The following CNTLN variants were observed in gnomAD, a reference collection of about 807,000 sequenced individuals.
The protein encoded by CNTLN is centlein, also known as centlein, centrosomal protein.
In CNTLN, 212 loss-of-function variants were observed where a neutral mutation model predicts 180.0. That is an observed-to-expected ratio of 1.18 (90% CI 1.05 to 1.32). CNTLN has a LOEUF of 1.32. CNTLN is among the 40% of genes most tolerant of loss of function. CNTLN has a pLI of 0.00. For missense variants in CNTLN, 2,095 were observed against 1,610.9 expected (o/e 1.30, Z -5.14); for synonymous variants, 722 against 563.1 (o/e 1.28, Z -3.99).
chr9:17,312,369 T>TTATATATATATATATATATATATATA (rs1587619948), intron 8 of CNTLN, among the ~76,000 whole-genome samples: 1 of 34,408 alleles, frequency 2.9e-5, no homozygotes, highest in Non-Finnish European at 7.2e-5. Flanking sequence ...ATATATTATA[T>TTATATATATATATATATATATATATA]ATATATATAT....
At chr9:17,260,295 T>A (rs886162307) in intron 5 of CNTLN, among the ~76,000 whole-genome samples, 1 of 150,552 alleles carries the variant, frequency 6.6e-6, no homozygotes, top group Non-Finnish European at 1.5e-5. Context: ...TTTGAGTGAG[T>A]TTCTTAATCC....
intron 23 of CNTLN, among the ~76,000 whole-genome samples, chr9:17,480,165 C>T (rs920555072): frequency 8.6e-5 from 13 of 151,752 alleles, no homozygotes; most frequent in African/African-American, 1.2e-4. Context: ...CATTTCAGCC[C>T]GGGTGACAGA....
At chr9:17,147,548 C>T (rs185703607) in intron 2 of CNTLN, among the ~76,000 whole-genome samples, 226 of 152,134 alleles carry the variant, frequency 1.5e-3, no homozygotes, top group Non-Finnish European at 1.2e-3. Context: ...TTTTCTCCCT[C>T]GGTTTATTTG....
chr9:17,258,442 G>T (rs1011524915), intron 5 of CNTLN, among the ~76,000 whole-genome samples: 1 of 151,328 alleles, frequency 6.6e-6, no homozygotes, highest in African/African-American at 2.5e-5. Flanking sequence ...TTTGGCTTAG[G>T]ATTGACTTGG....
rs908536057 is a variant in CNTLN, at chr9:17,292,265, T to G, written c.984-5925T>G. Among the ~76,000 whole-genome samples, 3 of 152,156 alleles carry G rather than the reference T, an allele frequency of 2.0e-5. 1 individual carries two copies. The South Asian group carries it at 6.2e-4, about 32-fold the overall frequency. ...CCCTTCATTTTGACCTTGGTGAATT[T>G]GATGATTATGTGTGTTAGGGCTGAT... On this transcript the variant is annotated intron_variant, in intron 6 of 25. Coordinates refer to ENST00000380647, the MANE Select transcript of CNTLN (RefSeq NM_017738.4).
chr9:17,310,251 A>C (rs746496364), intron 8 of CNTLN, among the ~76,000 whole-genome samples: 1 of 152,218 alleles, frequency 6.6e-6, no homozygotes, highest in East Asian at 1.9e-4. Context: ...TATCATTTTG[A>C]TTTTTTTAAA....
At chr9:17,514,655 A>G in the CNTLN span, among the ~76,000 whole-genome samples, 1 of 152,212 alleles carries the variant, frequency 6.6e-6, no homozygotes, top group East Asian at 1.9e-4. Flanking sequence ...TACTTGGCCA[A>G]GTAGATTTTA....
chr9:17,409,498 T>C, intron 16 of CNTLN, 25 bp downstream of exon 16: 1 of 1,516,190 alleles, frequency 6.6e-7, no homozygotes, highest in Non-Finnish European at 8.9e-7. Context: ...TTTGCTTAAT[T>C]GTATGCTATG....
At chr9:17,367,156 A>C (rs1396088630) in intron 13 of CNTLN, among the ~76,000 whole-genome samples, 1 of 152,230 alleles carries the variant, frequency 6.6e-6, no homozygotes, top group East Asian at 1.9e-4. Flanking sequence ...GGCAGTGGCC[A>C]TGTGACATGG....
At chr9:17,278,356 T>C (rs1049781325) in intron 6 of CNTLN, among the ~76,000 whole-genome samples, 1 of 152,170 alleles carries the variant, frequency 6.6e-6, no homozygotes, top group Non-Finnish European at 1.5e-5. Flanking sequence ...AACTTGCTTA[T>C]TTTTTCTTTG....
In CNTLN at chr9:17,355,422, G is replaced by C. The variant is rs570398344; in HGVS notation, c.1887-11195G>C. The stretch of plus-strand genomic sequence containing the variant: ...TTTTTGATAGTATCCTTTGATGCAT[G>C]AAAGTTTTTCATTTTAATGAAGTAC... On this transcript the variant is annotated intron_variant, in intron 12 of 25. Transcript: ENST00000380647. Among the ~76,000 whole-genome samples, 4 of 152,282 alleles carry C rather than the reference G, an allele frequency of 2.6e-5. No homozygotes were observed. In the East Asian group the frequency reaches 7.7e-4, roughly 29 times the overall value.
At chr9:17,257,200 C>G (rs1826567551) in intron 5 of CNTLN, among the ~76,000 whole-genome samples, 1 of 151,048 alleles carries the variant, frequency 6.6e-6, no homozygotes, top group Admixed American at 6.6e-5. Context: ...TTGTTCAATT[C>G]CCACCTATGA....
At position 17,334,129 on chromosome 9, in the gene CNTLN, G is replaced by A. The variant is rs112539416; in HGVS notation, c.1644+1399G>A. Among the ~76,000 whole-genome samples the A allele has an allele frequency of 2.2e-3, 339 of 151,964 alleles. 2 individuals carry two copies. The highest frequency in any genetic ancestry group is 7.7e-3 in the African/African-American group (319 of 41,434). ...GGCTAGAGTGCAGTGGCATGATCTC[G>A]GCTCACTGCACCCTCTGCCTCCCAG... On this transcript the variant is annotated intron_variant, in intron 10 of 25. Coordinates refer to ENST00000380647, the MANE Select transcript of CNTLN (RefSeq NM_017738.4).
At chr9:17,505,985 C>T (rs1290245575), downstream of CNTLN, among the ~76,000 whole-genome samples, 1 of 151,728 alleles carries the variant, frequency 6.6e-6, no homozygotes, top group Non-Finnish European at 1.5e-5. Context: ...AGCAAATATG[C>T]CCAACTGATT....
intron 10 of CNTLN, among the ~76,000 whole-genome samples, chr9:17,334,995 AAACTATAG>A (rs1820909410): frequency 1.3e-5 from 2 of 152,304 alleles, no homozygotes; most frequent in South Asian, 4.1e-4. Context: ...TTGAGCCCAA[AAACTATAG>A]AACCAGGAAA....
At chr9:17,421,526 A>G (rs1235873128) in intron 18 of CNTLN, among the ~76,000 whole-genome samples, 1 of 151,974 alleles carries the variant, frequency 6.6e-6, no homozygotes, top group Non-Finnish European at 1.5e-5. Context: ...CCATTCAGCT[A>G]CTATGTATCT....
At chr9:17,376,263 A>G (rs954959982) in intron 13 of CNTLN, among the ~76,000 whole-genome samples, 2 of 152,070 alleles carry the variant, frequency 1.3e-5, no homozygotes, top group Admixed American at 6.5e-5. Flanking sequence ...CTAAGACTTT[A>G]TCCTTGGTTT....
At chr9:17,274,255 C>T (rs1828144551) in intron 6 of CNTLN, among the ~76,000 whole-genome samples, 1 of 150,312 alleles carries the variant, frequency 6.7e-6, no homozygotes, top group South Asian at 2.1e-4. Flanking sequence ...TGTTTTAAAG[C>T]AGTCTTTCTA....
intron 25 of CNTLN, among the ~76,000 whole-genome samples, chr9:17,502,285 A>T (rs1268755213): frequency 6.6e-6 from 1 of 152,234 alleles, no homozygotes; most frequent in Non-Finnish European, 1.5e-5. Context: ...TGCAGATTAC[A>T]TCATTAACAT....
Sources: allele counts gnomAD v4.1 joint callset (sites outside exome capture counted in the v4.1 genomes callset), GRCh38; gene constraint gnomAD v4.1.1; transcripts MANE v1.5; gene names NCBI Gene and HGNC (gene_info 2026-07-23, HGNC 2026-07-21).